Variants in UBIAD1 observed in about 807,000 individuals in gnomAD.
UBIAD1 encodes UbiA prenyltransferase domain containing 1.
Under a neutral mutation model 20.1 loss-of-function variants are expected in UBIAD1, and 12 were observed. That is an observed-to-expected ratio of 0.60 (90% CI 0.38 to 0.97). The LOEUF (loss-of-function observed/expected upper bound fraction) is 0.97. UBIAD1 is among the 50% of genes least tolerant of loss of function. The probability of loss-of-function intolerance (pLI) is 0.00; values close to 1 mark genes in which losing one functional copy is unlikely to be tolerated. For synonymous variants in UBIAD1, 207 were observed against 189.2 expected (o/e 1.09, Z -0.77); for missense variants, 333 against 419.5 (o/e 0.79, Z 1.80).
At position 11,273,477 on chromosome 1, in the gene UBIAD1, G is replaced by A; in HGVS notation, c.-55G>A. On this transcript the variant is annotated 5_prime_UTR_variant, in exon 1 of 2. Transcript: ENST00000376810. This position sits in a 1 kb window ranked among gnomAD's most constrained non-coding sequence, Gnocchi z 4.9. ...CCGCCCCGTCCTTCCTCCTTCCCGGGCGGTCACTGTGCGTGGCTCACTTTT... is the reference window on the plus strand; with the variant it reads ...CCGCCCCGTCCTTCCTCCTTCCCGGACGGTCACTGTGCGTGGCTCACTTTT... 21 of 1,604,772 alleles carry A rather than the reference G, an allele frequency of 1.3e-5. No homozygotes were observed. The highest frequency in any genetic ancestry group is 1.8e-5 in the Non-Finnish European group (21 of 1,177,412).
Position 11,285,588 on chromosome 1 carries a change from GTCCCTAAATTTCCAGCCT to G in UBIAD1, c.530-54_530-37del. The G allele has an allele frequency of 1.9e-6, 3 of 1,612,732 alleles. No individual in the cohort carries two copies. The highest frequency in any genetic ancestry group is 2.5e-6 in the Non-Finnish European group (3 of 1,179,952). The stretch of plus-strand genomic sequence containing the variant: ...TGGCCTGCCTCTTCACTGGTGAACA[GTCCCTAAATTTCCAGCCT>G]TGGTCTCACACCAACTCTCTGGATT... On this transcript the variant is annotated intron_variant, in intron 1 of 1. Transcript: ENST00000376810. The surrounding 1 kb of genome is among the most constrained non-coding windows in gnomAD (Gnocchi z 4.4).
downstream of UBIAD1, among the ~76,000 whole-genome samples, chr1:11,292,419 C>T (rs551072306): frequency 2.6e-5 from 4 of 152,104 alleles, no homozygotes; most frequent in Non-Finnish European, 5.9e-5. Context: ...GATGATTCCT[C>T]GTCAGGAACA....
At chr1:11,275,261 C>G (rs1651974343) in intron 1 of UBIAD1, among the ~76,000 whole-genome samples, 1 of 152,082 alleles carries the variant, frequency 6.6e-6, no homozygotes, top group Non-Finnish European at 1.5e-5. Context: ...ACTAAGGTGA[C>G]AGGACTAAGT....
downstream of UBIAD1, among the ~76,000 whole-genome samples, chr1:11,293,270 C>T (rs1252973675): frequency 2.0e-5 from 3 of 152,164 alleles, no homozygotes; most frequent in African/African-American, 4.8e-5. Context: ...CGCACTCCCA[C>T]GGTCCTGCCA....
chr1:11,273,480 G>T lies in UBIAD1; in HGVS notation c.-52G>T. 6.2e-7 allele frequency: 1 copy of T among 1,606,900 alleles called. No homozygotes were observed. Among genetic ancestry groups the T allele is most frequent in the Non-Finnish European group, 8.5e-7 (1 of 1,178,852 alleles). ...CCCCGTCCTTCCTCCTTCCCGGGCG[G>T]TCACTGTGCGTGGCTCACTTTTAGA... On this transcript the variant is annotated 5_prime_UTR_variant, in exon 1 of 2. Transcript: ENST00000376810. This position sits in a 1 kb window ranked among gnomAD's most constrained non-coding sequence, Gnocchi z 4.9.
At chr1:11,279,314 G>C in intron 1 of UBIAD1, 1 of 215,770 alleles carries the variant, frequency 4.6e-6, no homozygotes, top group Non-Finnish European at 9.9e-6. Flanking sequence ...GTTTTGACCT[G>C]AGAACTGGAA....
downstream of UBIAD1, among the ~76,000 whole-genome samples, chr1:11,296,672 A>G (rs1249842860): frequency 6.6e-6 from 1 of 152,078 alleles, no homozygotes; most frequent in African/African-American, 2.4e-5. Flanking sequence ...GGCTTGCACC[A>G]CCATGCCCAG....
downstream of UBIAD1, among the ~76,000 whole-genome samples, chr1:11,299,316 C>T (rs553929511): frequency 5.3e-5 from 8 of 152,316 alleles, no homozygotes; most frequent in South Asian, 1.2e-3. Flanking sequence ...GCTGGCCTCC[C>T]TATGGCCCTG....
chr1:11,294,374 C>T (rs1015544313), intron 1 of UBIAD1, among the ~76,000 whole-genome samples: 1 of 151,912 alleles, frequency 6.6e-6, no homozygotes, highest in African/African-American at 2.4e-5. Context: ...GTCTCAAACT[C>T]CTGGCCTCAA....
intron 1 of UBIAD1, among the ~76,000 whole-genome samples, chr1:11,280,853 A>G (rs1652218569): frequency 6.6e-6 from 1 of 152,166 alleles, no homozygotes; most frequent in Non-Finnish European, 1.5e-5. Flanking sequence ...CTCAGCCACC[A>G]GAGTAATTCT....
rs1638266605 is a variant in UBIAD1, at chr1:11,286,646, C to T, written c.*515C>T. On this transcript the variant is annotated 3_prime_UTR_variant, in exon 2 of 2. Transcript: ENST00000376810. ...GCACCTGTGTCCTGAGATACGCTGC[C>T]TGAGACAGAGAGAGTCCCTCATTAA... 5.5e-6 allele frequency: 1 copy of T among 181,056 alleles called. No individual in the cohort carries two copies. The highest frequency in any genetic ancestry group is 5.4e-5 in the Admixed American group (1 of 18,526). The allele number at this position is 181,056 out of a possible 1,614,324, so 11.2% of individuals were successfully genotyped here.
At position 11,286,164 on chromosome 1, in the gene UBIAD1, C is replaced by T. The variant is rs750220493; in HGVS notation, c.*33C>T. The T allele has an allele frequency of 1.4e-5, 22 of 1,613,718 alleles. No homozygotes were observed. Among genetic ancestry groups the T allele is most frequent in the South Asian group, 8.8e-5 (8 of 91,048 alleles). On this transcript the variant is annotated 3_prime_UTR_variant, in exon 2 of 2. Transcript: ENST00000376810. ...AGTAGCTCCCCCCACGACATGTCTCCCTTTCTTAGAATATATTAAAGTCAG... is the reference window on the plus strand; with the variant it reads ...AGTAGCTCCCCCCACGACATGTCTCTCTTTCTTAGAATATATTAAAGTCAG...
intron 1 of UBIAD1, among the ~76,000 whole-genome samples, chr1:11,283,466 C>T (rs1178084938): frequency 6.6e-6 from 1 of 151,976 alleles, no homozygotes; most frequent in Non-Finnish European, 1.5e-5. Flanking sequence ...GGAACTTCCT[C>T]CTGGAGGGCA....
rs932692648 is a variant in UBIAD1, at chr1:11,288,247, G to A, written c.*2116G>A. ...GTATGCCTTGGTGGTCACTCCCATC[G>A]GGGCTATCAGTTCTGCACTGTGCCC... On this transcript the variant is annotated 3_prime_UTR_variant, in exon 2 of 2. Transcript: ENST00000376810. 6.6e-6 allele frequency: 1 copy of A among 152,192 alleles called. No individual in the cohort carries two copies. Among genetic ancestry groups the A allele is most frequent in the Admixed American group, 6.5e-5 (1 of 15,274 alleles). The allele number at this position is 152,192 out of a possible 1,614,324, so 9.4% of individuals were successfully genotyped here. A position where few individuals can be genotyped will look rare whatever the true frequency, so the allele number is the denominator to read the frequency against.
At chr1:11,283,124 A>C (rs1324075898) in intron 1 of UBIAD1, among the ~76,000 whole-genome samples, 2 of 151,844 alleles carry the variant, frequency 1.3e-5, no homozygotes, top group Non-Finnish European at 2.9e-5. Flanking sequence ...AGCCTCCCAA[A>C]GTGCTGGGAT....
downstream of UBIAD1, among the ~76,000 whole-genome samples, chr1:11,292,926 G>C (rs1356256232): frequency 6.6e-6 from 1 of 152,126 alleles, no homozygotes; most frequent in Non-Finnish European, 1.5e-5. Context: ...TCTTCAAACT[G>C]GGACAGCCCT....
At chr1:11,278,048 C>A (rs1652115965) in intron 1 of UBIAD1, among the ~76,000 whole-genome samples, 1 of 152,212 alleles carries the variant, frequency 6.6e-6, no homozygotes, top group South Asian at 2.1e-4. Context: ...ACTTCTGCCT[C>A]CCGGGATCAA....
chr1:11,293,272 G>A (rs925958263), downstream of UBIAD1, among the ~76,000 whole-genome samples: 2 of 152,094 alleles, frequency 1.3e-5, no homozygotes, highest in African/African-American at 4.8e-5. Context: ...CACTCCCACG[G>A]TCCTGCCATA....
exon 2 of UBIAD1, chr1:11,295,029 T>C: frequency 4.3e-6 from 3 of 702,494 alleles, no homozygotes; most frequent in Middle Eastern, 5.4e-4. Context: ...TGCCTCGGGG[T>C]GGGCAGCATC....
Sources: allele counts gnomAD v4.1 joint callset (sites outside exome capture counted in the v4.1 genomes callset), GRCh38; gene constraint gnomAD v4.1.1; non-coding constraint Gnocchi (gnomAD v3.1); transcripts MANE v1.5; gene names NCBI Gene and HGNC (gene_info 2026-07-23, HGNC 2026-07-21).